Variants in CDH6 observed in about 807,000 individuals in gnomAD.
CDH6 encodes the protein cadherin 6, also known as cadherin-6.
A neutral mutation model predicts 78.0 loss-of-function variants in CDH6; 31 were observed. The observed-to-expected ratio is 0.40, with a 90% CI of 0.30 to 0.54. The LOEUF is 0.54. Among genes scored for constraint, CDH6 ranks in the 20% least tolerant of loss-of-function variants. CDH6 has a pLI of 0.56. For missense variants in CDH6, 724 were observed against 975.9 expected (o/e 0.74, Z 3.44); for synonymous variants, 376 against 368.8 (o/e 1.02, Z -0.23).
At chr5:31,256,166 TAC>T (rs1742048669) in intron 1 of CDH6, among the ~76,000 whole-genome samples, 1 of 152,238 alleles carries the variant, frequency 6.6e-6, no homozygotes, top group African/African-American at 2.4e-5. Context: ...AAATTATTCA[TAC>T]ATTTTTTTTC....
intron 2 of CDH6, among the ~76,000 whole-genome samples, chr5:31,285,116 A>G (rs963448217): frequency 2.6e-5 from 4 of 152,244 alleles, no homozygotes; most frequent in Admixed American, 6.5e-5. Flanking sequence ...AGGAAGCTGC[A>G]TCTTTCCTTG....
chr5:31,275,045 C>T lies in CDH6; in HGVS notation c.228+7344C>T, dbSNP rs72749687. ...TCTTTATTGATCAGCATAACTTGTT[C>T]GTAGTATTAGTAAACCACGTAGATA... On this transcript the variant is annotated intron_variant, in intron 2 of 11. Transcript: ENST00000265071. 8.9e-3 allele frequency among the ~76,000 whole-genome samples: 1,362 copies of T among 152,216 alleles called. 13 individuals carry two copies. The highest frequency in any genetic ancestry group is 0.014 in the Non-Finnish European group (951 of 68,006).
At chr5:31,204,037 G>A (rs1579809638) in intron 1 of CDH6, among the ~76,000 whole-genome samples, 1 of 152,186 alleles carries the variant, frequency 6.6e-6, no homozygotes, top group African/African-American at 2.4e-5. Context: ...AAAAGTGCCT[G>A]CTCAGCCATA....
At chr5:31,253,150 G>A (rs1444534313) in intron 1 of CDH6, among the ~76,000 whole-genome samples, 1 of 152,172 alleles carries the variant, frequency 6.6e-6, no homozygotes, top group East Asian at 1.9e-4. Context: ...CATGCCAGAA[G>A]GGGTCAGGGA....
intron 2 of CDH6, among the ~76,000 whole-genome samples, chr5:31,282,499 A>C (rs531321368): frequency 6.6e-6 from 1 of 152,076 alleles, no homozygotes; most frequent in Non-Finnish European, 1.5e-5. Flanking sequence ...GACCCTTGCA[A>C]TTACCTTGGG....
chr5:31,200,754 C>T (rs72749629), intron 1 of CDH6, among the ~76,000 whole-genome samples: 27,969 of 151,594 alleles, frequency 0.18, 3,338 homozygotes, highest in Non-Finnish European at 0.25. Flanking sequence ...AGGAAGAAAC[C>T]CTCTTAATAC....
At chr5:31,198,165 T>C (rs1434108028) in intron 1 of CDH6, among the ~76,000 whole-genome samples, 1 of 152,158 alleles carries the variant, frequency 6.6e-6, no homozygotes, top group Non-Finnish European at 1.5e-5. Context: ...TTTCAACTCT[T>C]CCAACAAAGA....
chr5:31,315,934 G>A (rs1043137406), intron 8 of CDH6, among the ~76,000 whole-genome samples: 1 of 152,020 alleles, frequency 6.6e-6, no homozygotes, highest in African/African-American at 2.4e-5. Context: ...TGCCTTTCTT[G>A]GTTTTGTGTT....
At chr5:31,226,299 C>T (rs1455588887) in intron 1 of CDH6, among the ~76,000 whole-genome samples, 1 of 152,124 alleles carries the variant, frequency 6.6e-6, no homozygotes, top group South Asian at 2.1e-4. Flanking sequence ...CTCAGCCTCC[C>T]AAGTAGCTGG....
rs1459481437 is a variant in CDH6, at chr5:31,323,292, G to A, written c.2357G>A (p.Ser786Asn). 12 of 1,608,728 alleles carry A rather than the reference G, an allele frequency of 7.5e-6. No homozygotes were observed. Among genetic ancestry groups the A allele is most frequent in the Non-Finnish European group, 1.0e-5 (12 of 1,175,538 alleles). Residue 786 changes from serine to asparagine, a missense_variant, in exon 12 of 12, where the codon AGT becomes AAT. Physicochemically the swap from Ser to Asn is conservative, Grantham distance 46. This residue lies in a region of CDH6 where 220 missense variants were observed against 240.6 expected (regional missense o/e 0.91). Coordinates refer to ENST00000265071, the MANE Select transcript of CDH6 (RefSeq NM_004932.4). ...KLADMYGGVD[S>N]DKDS is the part of the protein sequence containing the mutation. ...GCAGATATGTATGGAGGAGTGGACA[G>A]TGACAAAGACTCCTAATCTGTTGCC...
intron 2 of CDH6, 82 bp from the exon 3 acceptor site, chr5:31,293,880 G>A: frequency 1.2e-6 from 1 of 825,962 alleles, no homozygotes; most frequent in Non-Finnish European, 1.9e-6. Context: ...AAAAGTTAAT[G>A]TAGCATGCAC....
chr5:31,226,956 A>G (rs1164754829), intron 1 of CDH6, among the ~76,000 whole-genome samples: 1 of 152,150 alleles, frequency 6.6e-6, no homozygotes, highest in Non-Finnish European at 1.5e-5. Context: ...CATGGCTTTC[A>G]TAAGAAAGGG....
At chr5:31,216,053 T>G (rs1740853778) in intron 1 of CDH6, among the ~76,000 whole-genome samples, 2 of 152,154 alleles carry the variant, frequency 1.3e-5, no homozygotes, top group South Asian at 4.1e-4. Context: ...TGTTTTAAAG[T>G]TCTACAACAT....
Position 31,317,824 on chromosome 5 carries a change from C to A in CDH6, c.1782C>A (p.His594Gln). The A allele has an allele frequency of 6.2e-7, 1 of 1,614,082 alleles. No individual in the cohort carries two copies. Among genetic ancestry groups the A allele is most frequent in the Non-Finnish European group, 8.5e-7 (1 of 1,179,970 alleles). Residue 594 changes from histidine (H) to glutamine (Q), a missense_variant, in exon 11 of 12, where the codon CAC (histidine) becomes CAA (glutamine). This residue lies in a region of CDH6 where 446 missense variants were observed against 684.5 expected (regional missense o/e 0.65). Transcript: ENST00000265071. The stretch of plus-strand genomic sequence containing the variant: ...TCCGGGTCTGTGCATGTGACCACCA[C>A]GGGAACATGCAATCCTGCCATGCGG... ...VTVRVCACDH[H>Q]GNMQSCHAEA...
chr5:31,302,844 G>GAAAT (rs1737834134), intron 6 of CDH6, among the ~76,000 whole-genome samples: 1 of 133,014 alleles, frequency 7.5e-6, no homozygotes, highest in Non-Finnish European at 1.6e-5. Context: ...AAGAAAGAAA[G>GAAAT]AAAGAAAGAG....
chr5:31,195,257 G>A (rs761969311), intron 1 of CDH6, among the ~76,000 whole-genome samples: 3 of 152,092 alleles, frequency 2.0e-5, no homozygotes, highest in African/African-American at 7.2e-5. Context: ...CTGCTCTGGA[G>A]GGGTGCAGAT....
chr5:31,302,091 A>G lies in CDH6; in HGVS notation c.812-20A>G. 3 of 1,564,162 alleles carry G rather than the reference A, an allele frequency of 1.9e-6. No individual in the cohort carries two copies. Among genetic ancestry groups the G allele is most frequent in the Non-Finnish European group, 2.6e-6 (3 of 1,141,970 alleles). ...TGTGGTTAGTCTATGTTTGACTTATATCTGTCTGGTGATTAATAGGTACAT... is the reference window on the plus strand; with the variant it reads ...TGTGGTTAGTCTATGTTTGACTTATGTCTGTCTGGTGATTAATAGGTACAT... On this transcript the variant is annotated intron_variant, in intron 5 of 11. Coordinates refer to ENST00000265071, the MANE Select transcript of CDH6 (RefSeq NM_004932.4).
At chr5:31,309,697 A>G (rs575197114) in intron 7 of CDH6, among the ~76,000 whole-genome samples, 79 of 151,942 alleles carry the variant, frequency 5.2e-4, no homozygotes, top group African/African-American at 1.7e-3. Context: ...AAAAGGTTTA[A>G]TTGACTCCCA....
At chr5:31,303,044 A>G (rs951305560) in intron 6 of CDH6, among the ~76,000 whole-genome samples, 15 of 152,194 alleles carry the variant, frequency 9.9e-5, no homozygotes, top group Non-Finnish European at 5.9e-5. Flanking sequence ...CTAAAATGAT[A>G]TGCATTCATG....
Sources: allele counts gnomAD v4.1 joint callset (sites outside exome capture counted in the v4.1 genomes callset), GRCh38; gene constraint gnomAD v4.1.1; regional missense constraint gnomAD v4.1.1; transcripts MANE v1.5; gene names NCBI Gene and HGNC (gene_info 2026-07-23, HGNC 2026-07-21).